Variants in UQCC1 observed in about 807,000 individuals in gnomAD.
UQCC1 encodes the protein bFGF-repressed Zic-binding protein.
In UQCC1, 38 loss-of-function variants were observed where a neutral mutation model predicts 48.0. The observed-to-expected ratio is 0.79, with a 90% CI of 0.61 to 1.04. The LOEUF is 1.04. UQCC1 is among the 50% of genes least tolerant of loss of function. The probability of loss-of-function intolerance (pLI) is 0.00; values close to 1 mark genes in which losing one functional copy is unlikely to be tolerated. For synonymous variants in UQCC1, 111 were observed against 129.2 expected (o/e 0.86, Z 0.95); for missense variants, 368 against 381.8 (o/e 0.96, Z 0.30).
chr20:35,384,620 C>T (rs971296624), intron 2 of UQCC1: 7 of 434,994 alleles, frequency 1.6e-5, no homozygotes, highest in African/African-American at 2.2e-5. Flanking sequence ...TCAACCTGGG[C>T]GACTCAGCAA....
intron 7 of UQCC1, among the ~76,000 whole-genome samples, chr20:35,327,627 A>T (rs2061209535): frequency 6.6e-6 from 1 of 152,216 alleles, no homozygotes; most frequent in Non-Finnish European, 1.5e-5. Flanking sequence ...TCCCAGGTAG[A>T]AGCCATATGA....
At chr20:35,411,698 A>G (rs2062367732) in intron 1 of UQCC1, among the ~76,000 whole-genome samples, 1 of 152,080 alleles carries the variant, frequency 6.6e-6, no homozygotes, top group Non-Finnish European at 1.5e-5. Context: ...AGGAAAAGTA[A>G]ACCCCATCAA....
intron 7 of UQCC1, among the ~76,000 whole-genome samples, chr20:35,340,936 A>G (rs1207268880): frequency 6.6e-6 from 1 of 152,206 alleles, no homozygotes; most frequent in East Asian, 1.9e-4. Flanking sequence ...TTAGAAAGAT[A>G]AAATACCAGC....
At chr20:35,399,867 A>G (rs2146529411) in intron 1 of UQCC1, among the ~76,000 whole-genome samples, 1 of 150,208 alleles carries the variant, frequency 6.7e-6, no homozygotes, top group Non-Finnish European at 1.5e-5. Flanking sequence ...AAAAAAAAAA[A>G]AAAAGAAAAG....
chr20:35,389,645 T>A (rs367724613), intron 2 of UQCC1, among the ~76,000 whole-genome samples: 1 of 152,148 alleles, frequency 6.6e-6, no homozygotes, highest in African/African-American at 2.4e-5. Context: ...CTGGTATAAA[T>A]AAATAATTGA....
At chr20:35,371,716 A>AAAAAC (rs1269239063) in intron 5 of UQCC1, among the ~76,000 whole-genome samples, 1 of 151,212 alleles carries the variant, frequency 6.6e-6, no homozygotes, top group African/African-American at 2.4e-5. Context: ...AAAAAAAAAA[A>AAAAAC]AAAAACAGGC....
At chr20:35,327,942 AGTGAGGT>A (rs2061213295) in intron 7 of UQCC1, among the ~76,000 whole-genome samples, 1 of 151,322 alleles carries the variant, frequency 6.6e-6, no homozygotes, top group South Asian at 2.1e-4. Flanking sequence ...CAAAGATTGC[AGTGAGGT>A]GAGATTACGC....
intron 3 of UQCC1, among the ~76,000 whole-genome samples, chr20:35,382,806 G>A (rs1053178578): frequency 5.3e-5 from 8 of 151,958 alleles, no homozygotes; most frequent in East Asian, 1.9e-4. Flanking sequence ...CACCGCGCCC[G>A]GCCTAATTTT....
At chr20:35,384,409 G>A in intron 2 of UQCC1, 1 of 347,590 alleles carries the variant, frequency 2.9e-6, no homozygotes, top group South Asian at 2.6e-5. Flanking sequence ...GGGAGGTCAA[G>A]GTGAGAGGAT....
chr20:35,341,210 G>T (rs2061373357), intron 7 of UQCC1, among the ~76,000 whole-genome samples: 2 of 110,830 alleles, frequency 1.8e-5, no homozygotes, highest in Admixed American at 2.1e-4. Flanking sequence ...GACAGAGAGA[G>T]ACTCCGTCAA....
intron 1 of UQCC1, among the ~76,000 whole-genome samples, chr20:35,404,758 G>C (rs916314959): frequency 7.9e-5 from 12 of 151,674 alleles, no homozygotes; most frequent in Non-Finnish European, 1.5e-4. Flanking sequence ...CTATTTCAAG[G>C]CTGTCTTAGA....
At chr20:35,353,305 G>A (rs1471844500) in intron 6 of UQCC1, among the ~76,000 whole-genome samples, 1 of 151,552 alleles carries the variant, frequency 6.6e-6, no homozygotes, top group South Asian at 2.1e-4. Flanking sequence ...GCTGAGGCAG[G>A]AGAATCACTT....
At chr20:35,319,634 T>C (rs947022609) in intron 7 of UQCC1, among the ~76,000 whole-genome samples, 5 of 151,144 alleles carry the variant, frequency 3.3e-5, no homozygotes, top group African/African-American at 4.9e-5. Flanking sequence ...CAGCATAGTA[T>C]ATTAAAAAGG....
intron 1 of UQCC1, among the ~76,000 whole-genome samples, chr20:35,400,221 G>A (rs1230293695): frequency 2.6e-5 from 4 of 151,324 alleles, no homozygotes; most frequent in Non-Finnish European, 5.9e-5. Flanking sequence ...CCACCGTGTC[G>A]ACCTCTACTC....
chr20:35,311,318 G>C (rs1416679593), intron 8 of UQCC1, among the ~76,000 whole-genome samples: 2 of 152,166 alleles, frequency 1.3e-5, no homozygotes, highest in East Asian at 3.8e-4. Flanking sequence ...AAGCGTCCAG[G>C]GAGGGGGAAC....
At chr20:35,400,196 G>C (rs1568712578) in intron 1 of UQCC1, among the ~76,000 whole-genome samples, 1 of 152,066 alleles carries the variant, frequency 6.6e-6, no homozygotes, top group Non-Finnish European at 1.5e-5. Context: ...AAAGTGCTGG[G>C]ATTACAGGCA....
At chr20:35,366,203 G>A (rs891143661) in intron 6 of UQCC1, among the ~76,000 whole-genome samples, 3 of 152,230 alleles carry the variant, frequency 2.0e-5, no homozygotes, top group East Asian at 3.9e-4. Flanking sequence ...AAATGACCAC[G>A]GATTCTCACA....
intron 4 of UQCC1, among the ~76,000 whole-genome samples, chr20:35,377,541 C>A (rs946268530): frequency 1.3e-5 from 2 of 152,222 alleles, no homozygotes; most frequent in African/African-American, 4.8e-5. Context: ...TAACTCAGTG[C>A]CTGGCACTGA....
chr20:35,386,824 A>G (rs1600997262), intron 2 of UQCC1, among the ~76,000 whole-genome samples: 1 of 151,098 alleles, frequency 6.6e-6, no homozygotes, highest in Non-Finnish European at 1.5e-5. Context: ...CTACTAAAGT[A>G]CCTATGTATC....
Sources: gnomAD v4.1 joint callset for allele counts (sites outside exome capture counted in the v4.1 genomes callset) on GRCh38, gnomAD v4.1.1 for gene constraint, MANE v1.5 for transcripts, NCBI Gene and HGNC (gene_info 2026-07-23, HGNC 2026-07-21) for gene names.